The following MEGF11 variants were observed in gnomAD, a reference collection of about 807,000 sequenced individuals.
MEGF11 encodes multiple epidermal growth factor-like domains protein 11.
MEGF11 carries 126 observed loss-of-function variants against 146.6 expected under a neutral mutation model. The ratio of observed to expected loss-of-function variants is 0.86; its 90% CI spans 0.74 to 1.00. The LOEUF is 1.00. Among genes scored for constraint, MEGF11 ranks in the 50% least tolerant of loss-of-function variants. The pLI, the probability that MEGF11 is intolerant of heterozygous loss-of-function variation, is 0.00. For missense variants in MEGF11, 1,509 were observed against 1,521.2 expected, an observed-to-expected ratio of 0.99 and a Z score of 0.13; for synonymous variants, 532 against 583.4, an observed-to-expected ratio of 0.91 and a Z score of 1.27.
chr15:66,103,349 A>G (rs2086910683), intron 4 of MEGF11, among the ~76,000 whole-genome samples: 1 of 152,224 alleles, frequency 6.6e-6, no homozygotes. Context: ...TTGACTCCCC[A>G]GTTCTAGTGC....
At chr15:66,086,584 T>TA (rs1256767687) in intron 5 of MEGF11, among the ~76,000 whole-genome samples, 1 of 152,190 alleles carries the variant, frequency 6.6e-6, no homozygotes, top group Non-Finnish European at 1.5e-5. Context: ...GAAGGAAAGA[T>TA]ACGGTCGTTT....
At chr15:66,244,680 CA>C (rs1372947579) in intron 1 of MEGF11, among the ~76,000 whole-genome samples, 2 of 152,142 alleles carry the variant, frequency 1.3e-5, no homozygotes, top group Admixed American at 1.3e-4. Flanking sequence ...TTACCAGGCT[CA>C]GTTAAAATCT....
At chr15:65,989,972 T>G (rs989945372) in intron 5 of MEGF11, among the ~76,000 whole-genome samples, 1 of 152,058 alleles carries the variant, frequency 6.6e-6, no homozygotes, top group Non-Finnish European at 1.5e-5. Flanking sequence ...GGAAGGAGGA[T>G]CACTGAGATT....
At position 66,209,120 on chromosome 15, in the gene MEGF11, G is replaced by A. The variant is rs569608368; in HGVS notation, c.-9+44485C>T. 7.2e-5 allele frequency among the ~76,000 whole-genome samples: 11 copies of A among 152,248 alleles called. No individual in the cohort carries two copies. The East Asian group carries it at 2.1e-3, about 29-fold the overall frequency. On this transcript the variant is annotated intron_variant, in intron 1 of 25. Transcript: ENST00000395614. ...AATCCCAGCACTTTGGGAGGCTGAG[G>A]CGGGTGGACCACAAGGTCAGGAGAT...
In MEGF11 at chr15:65,900,612, TTCTC is replaced by T. The variant is rs144705346; in HGVS notation, c.3056-1682_3056-1679del. On this transcript the variant is annotated intron_variant, in intron 24 of 25. Transcript: ENST00000395614. Reference sequence around the variant, plus strand: ...CTCTGTGGTATAGGTAGAGCAATAATTCTCTCTCTCCTTCTCCTCTCATTGCTTA... The same window carrying T: ...CTCTGTGGTATAGGTAGAGCAATAATTCTCTCCTTCTCCTCTCATTGCTTA... Among the ~76,000 whole-genome samples the T allele has an allele frequency of 4.5e-3, 679 of 152,362 alleles. 7 individuals carry two copies. Among genetic ancestry groups the T allele is most frequent in the African/African-American group, 0.015 (642 of 41,568 alleles).
chr15:66,243,185 G>C (rs913166411), intron 1 of MEGF11, among the ~76,000 whole-genome samples: 2 of 152,228 alleles, frequency 1.3e-5, no homozygotes, highest in South Asian at 4.1e-4. Context: ...GCCCCTGAGA[G>C]GCCGGAGAAG....
intron 1 of MEGF11, among the ~76,000 whole-genome samples, chr15:66,226,635 G>C (rs2091859372): frequency 6.6e-6 from 1 of 152,160 alleles, no homozygotes. Flanking sequence ...ATCAGTTATT[G>C]TTAATCTCTT....
chr15:66,085,956 T>C (rs549131055), intron 5 of MEGF11, among the ~76,000 whole-genome samples: 2 of 151,770 alleles, frequency 1.3e-5, no homozygotes, highest in Non-Finnish European at 2.9e-5. Context: ...GTCAAGGAAA[T>C]AAATAAAGAA....
At chr15:66,152,740 C>T (rs964647394) in intron 1 of MEGF11, among the ~76,000 whole-genome samples, 6 of 152,260 alleles carry the variant, frequency 3.9e-5, no homozygotes, top group Non-Finnish European at 8.8e-5. Flanking sequence ...TGTCCTCCCA[C>T]TGTGGCCTGT....
At chr15:66,174,028 G>A (rs186195683) in intron 1 of MEGF11, among the ~76,000 whole-genome samples, 1 of 152,334 alleles carries the variant, frequency 6.6e-6, no homozygotes, top group Admixed American at 6.5e-5. Flanking sequence ...CTCTCCCTGT[G>A]TTTCAAGGCA....
chr15:66,173,304 G>A (rs534919703), intron 1 of MEGF11, among the ~76,000 whole-genome samples: 1 of 152,084 alleles, frequency 6.6e-6, no homozygotes, highest in Non-Finnish European at 1.5e-5. Flanking sequence ...ATGACAGAAG[G>A]CAATTTTTTT....
chr15:66,211,319 C>G (rs186986149), intron 1 of MEGF11, among the ~76,000 whole-genome samples: 66 of 152,160 alleles, frequency 4.3e-4, no homozygotes, highest in African/African-American at 1.1e-3. Context: ...GTCAGGAGAT[C>G]GAGACCATCT....
At chr15:66,017,656 C>T (rs1014141525) in intron 5 of MEGF11, among the ~76,000 whole-genome samples, 1 of 152,188 alleles carries the variant, frequency 6.6e-6, no homozygotes, top group African/African-American at 2.4e-5. Context: ...CCTCAGTACC[C>T]ACAGGCTCGG....
At chr15:65,986,792 C>CTTTTTTTTTTTTTTTTT (rs1491353062) in intron 5 of MEGF11, among the ~76,000 whole-genome samples, 5 of 134,008 alleles carry the variant, frequency 3.7e-5, no homozygotes, top group African/African-American at 1.4e-4. Context: ...GCTGATTTTT[C>CTTTTTTTTTTTTTTTTT]CTTTTTTTTT....
chr15:66,113,492 C>T (rs1017782722), intron 4 of MEGF11, among the ~76,000 whole-genome samples: 1 of 152,168 alleles, frequency 6.6e-6, no homozygotes, highest in Admixed American at 6.5e-5. Context: ...ATAGACTCCC[C>T]CTCCTTGCCC....
chr15:65,928,423 AC>A lies in MEGF11; in HGVS notation c.1675+1del. On this transcript the variant is annotated splice_donor_variant, in intron 13 of 25. Coordinates refer to ENST00000395614, the MANE Select transcript of MEGF11 (RefSeq NM_001385028.1). LOFTEE classifies it high-confidence loss of function. ...GGTGGTGGCACAGCAAGGGAAGGTTACCTGTCCATCCGGCCAGGCAGCAGCA... is the reference window on the plus strand; with the variant it reads ...GGTGGTGGCACAGCAAGGGAAGGTTACTGTCCATCCGGCCAGGCAGCAGCA... 2.5e-6 allele frequency: 4 copies of A among 1,583,366 alleles called. No individual in the cohort carries two copies. Among genetic ancestry groups the A allele is most frequent in the Non-Finnish European group, 1.7e-6 (2 of 1,160,420 alleles).
intron 19 of MEGF11, among the ~76,000 whole-genome samples, chr15:65,914,571 T>C (rs948927135): frequency 6.6e-6 from 1 of 152,104 alleles, no homozygotes; most frequent in African/African-American, 2.4e-5. Context: ...CTTGGTTATA[T>C]ATGTGAGGGC....
rs895043930 is a variant in MEGF11 at position 66,058,353 on chromosome 15, C to T, written c.394+36049G>A. On this transcript the variant is annotated intron_variant, in intron 5 of 25. Transcript: ENST00000395614. Reference sequence around the variant, plus strand: ...CCATCAAGCCTGGAAGTTTGAAATGCGGCACTAACACACTTCTTCAAGAAG... The same window carrying T: ...CCATCAAGCCTGGAAGTTTGAAATGTGGCACTAACACACTTCTTCAAGAAG... 3.3e-5 allele frequency among the ~76,000 whole-genome samples: 5 copies of T among 152,130 alleles called. No homozygotes were observed. The South Asian group carries it at 6.2e-4, about 19-fold the overall frequency.
intron 10 of MEGF11, among the ~76,000 whole-genome samples, chr15:65,952,737 C>A (rs2080453388): frequency 6.6e-6 from 1 of 152,218 alleles, no homozygotes; most frequent in Non-Finnish European, 1.5e-5. Flanking sequence ...ATTTCATTCC[C>A]ATTTTATAGA....
Sources: allele counts gnomAD v4.1 joint callset (sites outside exome capture counted in the v4.1 genomes callset), GRCh38; gene constraint gnomAD v4.1.1; transcripts MANE v1.5; gene names NCBI Gene and HGNC (gene_info 2026-07-23, HGNC 2026-07-21).